Variants in BRDT observed in about 807,000 individuals in gnomAD.
The protein encoded by BRDT is bromodomain testis associated, also known as bromodomain testis-specific protein.
In BRDT, 77 loss-of-function variants were observed where a neutral mutation model predicts 113.9. That is an observed-to-expected ratio of 0.68 (90% CI 0.56 to 0.82). The LOEUF (loss-of-function observed/expected upper bound fraction) is 0.82, where lower values mean the gene tolerates loss of function less well. Among genes scored for constraint, BRDT ranks in the 40% least tolerant of loss-of-function variants. BRDT has a pLI of 0.00. For missense variants in BRDT, 1,027 were observed against 1,105.4 expected, an observed-to-expected ratio of 0.93 and a Z score of 1.01; for synonymous variants, 358 against 366.5, an observed-to-expected ratio of 0.98 and a Z score of 0.26.
intron 6 of BRDT, 130 bp downstream of exon 6, chr1:91,977,523 G>A: frequency 1.3e-6 from 1 of 765,412 alleles, no homozygotes; most frequent in East Asian, 2.9e-5. Flanking sequence ...TATCTGGAGT[G>A]AGTCTCTGGA....
In BRDT at chr1:91,962,906, C is replaced by T; in HGVS notation, c.152C>T (p.Pro51Leu). 3.1e-6 allele frequency: 5 copies of T among 1,610,656 alleles called. No homozygotes were observed. Among genetic ancestry groups the T allele is most frequent in the Non-Finnish European group, 3.4e-6 (4 of 1,178,606 alleles). ...TTATGGAAGCATAGTTTTTCATGGC[C>T]CTTTCAACGTCCTGTGGATGCTGTG... is the stretch of plus-strand genomic sequence containing the variant. Reference protein sequence around the residue: ...KDLWKHSFSWPFQRPVDAVKL... With the variant: ...KDLWKHSFSWLFQRPVDAVKL... Residue 51 changes from proline (P) to leucine (L), a missense_variant, in exon 2 of 19, where the codon CCC becomes CTC. Coordinates refer to ENST00000399546, the MANE Select transcript of BRDT (RefSeq NM_207189.4).
chr1:91,991,532 T>A (rs1439236144), intron 13 of BRDT, among the ~76,000 whole-genome samples: 1 of 152,214 alleles, frequency 6.6e-6, no homozygotes, highest in East Asian at 1.9e-4. Flanking sequence ...TACAGAGGGA[T>A]GGCCTTGGTA....
chr1:92,003,010 C>T (rs1686995654), intron 16 of BRDT, among the ~76,000 whole-genome samples: 1 of 152,102 alleles, frequency 6.6e-6, no homozygotes, highest in African/African-American at 2.4e-5. Context: ...CTTGCAAGTA[C>T]TTTAGAGGAC....
At chr1:91,996,410 G>T (rs147096256) in intron 15 of BRDT, among the ~76,000 whole-genome samples, 1 of 152,018 alleles carries the variant, frequency 6.6e-6, no homozygotes, top group South Asian at 2.1e-4. Context: ...CACCATATGC[G>T]GCTAATTTTT....
At chr1:91,966,526 C>A (rs1441834215) in intron 3 of BRDT, among the ~76,000 whole-genome samples, 1 of 152,138 alleles carries the variant, frequency 6.6e-6, no homozygotes, top group Non-Finnish European at 1.5e-5. Flanking sequence ...ACCACTGCAT[C>A]CAGCTCCAAT....
intron 1 of BRDT, among the ~76,000 whole-genome samples, chr1:91,955,992 A>T (rs1681722378): frequency 6.6e-6 from 1 of 152,178 alleles, no homozygotes; most frequent in Non-Finnish European, 1.5e-5. Flanking sequence ...GTACAAAAAA[A>T]CTATATCAGC....
At chr1:91,999,606 C>A (rs950847049) in intron 15 of BRDT, among the ~76,000 whole-genome samples, 2 of 152,140 alleles carry the variant, frequency 1.3e-5, no homozygotes, top group Non-Finnish European at 2.9e-5. Context: ...CCCCTCAGCT[C>A]TTATAGCAAT....
chr1:91,997,545 G>T lies in BRDT; in HGVS notation c.2287+3291G>T, dbSNP rs543336093. On this transcript the variant is annotated intron_variant, in intron 15 of 18. Coordinates refer to ENST00000399546, the MANE Select transcript of BRDT (RefSeq NM_207189.4). ...GTAGCCTTGCCCTTGAAAAGGAATA[G>T]ATTATGAAAAACAAAGGTGAGAATG... Among the ~76,000 whole-genome samples, 8 of 152,250 alleles carry T rather than the reference G, an allele frequency of 5.3e-5. No individual in the cohort carries two copies. In the South Asian group the frequency reaches 1.5e-3, roughly 28 times the overall value.
rs781591792 is a variant in BRDT at position 92,004,515 on chromosome 1, A to G, written c.2490A>G (p.Arg830=). 27 of 1,613,622 alleles carry G rather than the reference A, an allele frequency of 1.7e-5. No homozygotes were observed. The highest frequency in any genetic ancestry group is 1.4e-5 in the Non-Finnish European group (16 of 1,179,770). Residue 830 remains arginine, a synonymous_variant, in exon 17 of 19, where the codon AGA becomes AGG. Transcript: ENST00000399546. ...CAGATGAGCTCTTCAACCAATTTAG[A>G]AAAGCAGCCATAGAAAAGGAAGTAA... The part of the protein sequence containing the change: ...KSSDELFNQF[R]KAAIEKEVKA...
chr1:91,961,916 G>A (rs891578713), intron 1 of BRDT, among the ~76,000 whole-genome samples: 9 of 151,978 alleles, frequency 5.9e-5, no homozygotes, highest in Non-Finnish European at 1.2e-4. Context: ...CCAGCACTTT[G>A]GGAGGCCGAG....
At chr1:91,994,344 A>G in intron 15 of BRDT, 90 bp downstream of exon 15, 1 of 1,082,868 alleles carries the variant, frequency 9.2e-7, no homozygotes. Flanking sequence ...CTTAAATGTT[A>G]AATATCTGGG....
At chr1:91,988,798 C>G (rs1557846856) in intron 12 of BRDT, among the ~76,000 whole-genome samples, 1 of 152,072 alleles carries the variant, frequency 6.6e-6, no homozygotes, top group East Asian at 1.9e-4. Flanking sequence ...GTACATTTGT[C>G]TTTTAATTTC....
chr1:91,998,510 A>C (rs1243940829), intron 15 of BRDT, among the ~76,000 whole-genome samples: 1 of 152,240 alleles, frequency 6.6e-6, no homozygotes, highest in East Asian at 1.9e-4. Flanking sequence ...AAATTTTTTT[A>C]AACTTCACCA....
At chr1:91,973,474 G>T (rs1683825631) in intron 4 of BRDT, among the ~76,000 whole-genome samples, 1 of 152,098 alleles carries the variant, frequency 6.6e-6, no homozygotes, top group African/African-American at 2.4e-5. Flanking sequence ...GTGGTTTGTA[G>T]TTCTCCTTGA....
At chr1:91,965,992 A>C (rs1229066500) in intron 3 of BRDT, among the ~76,000 whole-genome samples, 3 of 152,034 alleles carry the variant, frequency 2.0e-5, no homozygotes, top group Non-Finnish European at 4.4e-5. Context: ...TGTGTTAATG[A>C]ATTTGCCCAT....
chr1:91,995,210 C>T (rs917846606), intron 15 of BRDT, among the ~76,000 whole-genome samples: 1 of 152,026 alleles, frequency 6.6e-6, no homozygotes, highest in African/African-American at 2.4e-5. Context: ...AGGTTAAGGG[C>T]AGATATGAAT....
chr1:91,994,921 A>G (rs1427955394), intron 15 of BRDT, among the ~76,000 whole-genome samples: 1 of 151,712 alleles, frequency 6.6e-6, no homozygotes, highest in African/African-American at 2.4e-5. Context: ...TAGAGATTCT[A>G]TAAGTAAAGA....
chr1:91,993,615 G>A (rs1312336525), intron 14 of BRDT, among the ~76,000 whole-genome samples: 2 of 152,110 alleles, frequency 1.3e-5, no homozygotes, highest in Non-Finnish European at 2.9e-5. Context: ...AGTCTTGTGG[G>A]TTGACCATAA....
chr1:92,002,346 C>T (rs1032560253), intron 16 of BRDT, among the ~76,000 whole-genome samples, 197 bp downstream of exon 16: 1 of 151,918 alleles, frequency 6.6e-6, no homozygotes, highest in African/African-American at 2.4e-5. Flanking sequence ...TATCATTGGT[C>T]CTCTTGTTTG....
Sources: allele counts gnomAD v4.1 joint callset (sites outside exome capture counted in the v4.1 genomes callset), GRCh38; gene constraint gnomAD v4.1.1; transcripts MANE v1.5; gene names NCBI Gene and HGNC (gene_info 2026-07-23, HGNC 2026-07-21).